PELI2: variants seen among roughly 807,000 people sequenced by gnomAD.
PELI2 encodes pellino E3 ubiquitin protein ligase family member 2.
PELI2 carries 23 observed loss-of-function variants against 42.3 expected under a neutral mutation model. The observed-to-expected ratio is 0.54, with a 90% CI of 0.39 to 0.77. The LOEUF is 0.77. PELI2 is among the 30% of genes least tolerant of loss of function. The probability of loss-of-function intolerance (pLI) is 0.00; values close to 1 mark genes in which losing one functional copy is unlikely to be tolerated. For missense variants in PELI2, 463 were observed against 553.2 expected (o/e 0.84, Z 1.64); for synonymous variants, 245 against 212.2 (o/e 1.15, Z -1.34).
chr14:56,264,413 A>G (rs12883776), intron 2 of PELI2, among the ~76,000 whole-genome samples: 45,765 of 152,046 alleles, frequency 0.3, 7,213 homozygotes, highest in East Asian at 0.39. Flanking sequence ...AATTAACAAT[A>G]CAGTACACCA....
intron 2 of PELI2, among the ~76,000 whole-genome samples, chr14:56,234,461 T>A (rs1192583805): frequency 6.6e-6 from 1 of 152,114 alleles, no homozygotes; most frequent in Non-Finnish European, 1.5e-5. Flanking sequence ...GGGACATGGG[T>A]GAAGCTGGAA....
chr14:56,178,570 C>G (rs1236842300), intron 2 of PELI2, 106 bp downstream of exon 2: 6 of 1,272,316 alleles, frequency 4.7e-6, no homozygotes, highest in Non-Finnish European at 6.8e-6. Flanking sequence ...AGGACAGTCT[C>G]TCAGACCATT....
At chr14:56,179,493 G>A (rs982577757) in intron 2 of PELI2, among the ~76,000 whole-genome samples, 4 of 152,134 alleles carry the variant, frequency 2.6e-5, no homozygotes, top group Non-Finnish European at 5.9e-5. Flanking sequence ...CAATTGAAGC[G>A]ATCTTGTATT....
chr14:56,150,962 C>G (rs778481351), intron 1 of PELI2, among the ~76,000 whole-genome samples: 1 of 152,108 alleles, frequency 6.6e-6, no homozygotes, highest in South Asian at 2.1e-4. Flanking sequence ...GATAAGAAGA[C>G]TGAAGTTTAA....
At chr14:56,279,586 G>A (rs983152075) in intron 2 of PELI2, 90 bp from the exon 3 acceptor site, 32 of 676,516 alleles carry the variant, frequency 4.7e-5, no homozygotes, top group Non-Finnish European at 7.6e-5. Flanking sequence ...GCTGGGCTTT[G>A]CCAGTAGAGT....
At chr14:56,224,782 C>A (rs942503091) in intron 2 of PELI2, among the ~76,000 whole-genome samples, 3 of 152,016 alleles carry the variant, frequency 2.0e-5, no homozygotes, top group African/African-American at 7.2e-5. Flanking sequence ...CTTTTTTTCA[C>A]TGGACTTGTG....
intron 2 of PELI2, among the ~76,000 whole-genome samples, chr14:56,203,220 A>G (rs1202903460): frequency 6.6e-6 from 1 of 152,140 alleles, no homozygotes; most frequent in Non-Finnish European, 1.5e-5. Flanking sequence ...CATGCCAGTA[A>G]TCCCAGCTAC....
chr14:56,296,771 A>T lies in PELI2; in HGVS notation c.868A>T (p.Thr290Ser). 6.2e-7 allele frequency: 1 copy of T among 1,613,954 alleles called. No homozygotes were observed. Among genetic ancestry groups the T allele is most frequent in the Non-Finnish European group, 8.5e-7 (1 of 1,179,980 alleles). ...GCCTCAGTGTCCTGTGGGGCTCAAC[A>T]CCCTGGCCTTCCCCAGCATCAACAG... ...ARPQCPVGLN[T>S]LAFPSINRKE... Residue 290 changes from threonine to serine, a missense_variant, in exon 6 of 6, where the codon ACC becomes TCC. Physicochemically the swap from Thr to Ser is moderately conservative, Grantham distance 58. Transcript: ENST00000267460.
intron 1 of PELI2, among the ~76,000 whole-genome samples, chr14:56,155,100 T>C (rs549194807): frequency 3.9e-5 from 6 of 152,350 alleles, no homozygotes; most frequent in Non-Finnish European, 7.4e-5. Context: ...CCTTTATTTG[T>C]AAAAATGTTT....
chr14:56,147,262 C>T (rs1024627722), intron 1 of PELI2, among the ~76,000 whole-genome samples: 16 of 152,276 alleles, frequency 1.1e-4, no homozygotes, highest in African/African-American at 3.6e-4. Flanking sequence ...CTGTTATGAA[C>T]ATTTGCTTGC....
At chr14:56,167,426 C>G (rs1012683376) in intron 1 of PELI2, among the ~76,000 whole-genome samples, 1 of 152,082 alleles carries the variant, frequency 6.6e-6, no homozygotes, top group African/African-American at 2.4e-5. Context: ...CTAACAAATT[C>G]TTCAGCTTGA....
At chr14:56,128,924 CTA>C (rs1214627797) in intron 1 of PELI2, among the ~76,000 whole-genome samples, 3 of 151,864 alleles carry the variant, frequency 2.0e-5, no homozygotes, top group African/African-American at 7.3e-5. Flanking sequence ...GGAGGGAATT[CTA>C]TGTCAGCAGA....
Position 56,300,553 on chromosome 14 carries a change from G to C in PELI2, c.*3387G>C, listed in dbSNP as rs1282107975. ...GCTTAATTGAAGTGTAATATAGGTT[G>C]TAGAATTGTTACCTGCAGTTCTATG... is the stretch of plus-strand genomic sequence containing the variant. On this transcript the variant is annotated 3_prime_UTR_variant, in exon 6 of 6. Transcript: ENST00000267460. The C allele has an allele frequency of 6.6e-6, 1 of 151,738 alleles. No homozygotes were observed. The highest frequency in any genetic ancestry group is 6.6e-5 in the Admixed American group (1 of 15,230). The allele number at this position is 151,738 out of a possible 1,614,324, so 9.4% of individuals were successfully genotyped here. A position where few individuals can be genotyped will look rare whatever the true frequency, so the allele number is the denominator to read the frequency against.
At chr14:56,227,077 A>T (rs1198906498) in intron 2 of PELI2, among the ~76,000 whole-genome samples, 1 of 152,276 alleles carries the variant, frequency 6.6e-6, no homozygotes, top group African/African-American at 2.4e-5. Context: ...ATTATCTAAT[A>T]AAATATTAGT....
chr14:56,119,262 G>C (rs1427588844), intron 1 of PELI2: 3 of 152,082 alleles, frequency 2.0e-5, no homozygotes, highest in African/African-American at 7.2e-5. Context: ...GGGCCGCCGC[G>C]GGCTGTGGGA....
chr14:56,135,099 G>C (rs1883638697), intron 1 of PELI2, among the ~76,000 whole-genome samples: 1 of 152,112 alleles, frequency 6.6e-6, no homozygotes, highest in African/African-American at 2.4e-5. Context: ...TAAAGTTCTT[G>C]GTCTTAATGG....
At position 56,230,863 on chromosome 14, in the gene PELI2, G is replaced by A. The variant is rs574451125; in HGVS notation, c.208-48813G>A. 9.9e-5 allele frequency among the ~76,000 whole-genome samples: 15 copies of A among 152,242 alleles called. 1 individual carries two copies. The highest frequency in any genetic ancestry group is 9.6e-4 in the East Asian group (5 of 5,184). ...GCTGTATTCAGGAGACCCATCTCACGTGCAGAGACACACAGAGGCTGAAAA... is the reference window on the plus strand; with the variant it reads ...GCTGTATTCAGGAGACCCATCTCACATGCAGAGACACACAGAGGCTGAAAA... On this transcript the variant is annotated intron_variant, in intron 2 of 5. Transcript: ENST00000267460.
intron 2 of PELI2, among the ~76,000 whole-genome samples, chr14:56,196,791 C>T (rs2139698206): frequency 6.6e-6 from 1 of 152,224 alleles, no homozygotes; most frequent in Admixed American, 6.5e-5. Flanking sequence ...TATTGTTTGA[C>T]TTCTGTTTTT....
intron 2 of PELI2, among the ~76,000 whole-genome samples, chr14:56,240,894 A>G (rs1415981817): frequency 6.6e-6 from 1 of 152,162 alleles, no homozygotes; most frequent in Non-Finnish European, 1.5e-5. Flanking sequence ...ACTAAGAACA[A>G]TATGACATTA....
Sources: allele counts gnomAD v4.1 joint callset (sites outside exome capture counted in the v4.1 genomes callset), GRCh38; gene constraint gnomAD v4.1.1; transcripts MANE v1.5; gene names NCBI Gene and HGNC (gene_info 2026-07-23, HGNC 2026-07-21).